ASAP2: variants seen among roughly 807,000 people sequenced by gnomAD.
The protein encoded by ASAP2 is ArfGAP with SH3 domain, ankyrin repeat and PH domain 2, also known as arf-GAP with SH3 domain, ANK repeat and PH domain-containing protein 2.
In ASAP2, 45 loss-of-function variants were observed where a neutral mutation model predicts 131.4. The observed-to-expected ratio is 0.34, with a 90% CI of 0.27 to 0.44. The LOEUF (loss-of-function observed/expected upper bound fraction) is 0.44. ASAP2 is among the 20% of genes least tolerant of loss of function. The pLI is 1.00. For missense variants in ASAP2, 1,011 were observed against 1,297.0 expected (o/e 0.78, Z 3.39); for synonymous variants, 510 against 503.0 (o/e 1.01, Z -0.19).
intron 1 of ASAP2, among the ~76,000 whole-genome samples, chr2:9,224,632 T>G (rs775935157): frequency 1.3e-5 from 2 of 152,226 alleles, no homozygotes; most frequent in Non-Finnish European, 2.9e-5. Flanking sequence ...ATATCTGATT[T>G]CTTCTTTGAA....
chr2:9,333,734 G>C (rs1395281115), intron 7 of ASAP2, among the ~76,000 whole-genome samples: 2 of 152,122 alleles, frequency 1.3e-5, no homozygotes, highest in African/African-American at 4.8e-5. Flanking sequence ...TTAGCTCGTG[G>C]AAATGCCCGT....
At chr2:9,371,395 G>A (rs1673945233) in intron 16 of ASAP2, among the ~76,000 whole-genome samples, 1 of 152,140 alleles carries the variant, frequency 6.6e-6, no homozygotes, top group Non-Finnish European at 1.5e-5. Flanking sequence ...TTTTCCCACC[G>A]TAATATGTTG....
intron 20 of ASAP2, among the ~76,000 whole-genome samples, chr2:9,381,981 T>C (rs1336662305): frequency 2.7e-5 from 2 of 75,284 alleles, no homozygotes; most frequent in African/African-American, 2.7e-4. Context: ...TCATTTAATC[T>C]TTTTTTTTTT....
chr2:9,223,992 G>A (rs1000828509), intron 1 of ASAP2, among the ~76,000 whole-genome samples: 1 of 152,204 alleles, frequency 6.6e-6, no homozygotes, highest in Non-Finnish European at 1.5e-5. Context: ...CATGAAAATA[G>A]TTTTTGAACT....
At chr2:9,319,470 A>T (rs1353910495) in intron 4 of ASAP2, among the ~76,000 whole-genome samples, 1 of 152,170 alleles carries the variant, frequency 6.6e-6, no homozygotes, top group African/African-American at 2.4e-5. Flanking sequence ...AGGTCAGCGG[A>T]GTTAGCCCAA....
intron 6 of ASAP2, among the ~76,000 whole-genome samples, chr2:9,325,325 T>C (rs1046173119): frequency 3.9e-5 from 6 of 152,252 alleles, no homozygotes; most frequent in East Asian, 1.9e-4. Flanking sequence ...CTGTGTGTTA[T>C]ACAAGCACAA....
At chr2:9,271,876 A>G (rs1277472887) in intron 1 of ASAP2, among the ~76,000 whole-genome samples, 2 of 152,004 alleles carry the variant, frequency 1.3e-5, no homozygotes, top group Non-Finnish European at 2.9e-5. Context: ...ACATCATTGC[A>G]GCTGACAGGA....
At position 9,260,470 on chromosome 2, in the gene ASAP2, G is replaced by A. The variant is rs149039180; in HGVS notation, c.127-18847G>A. Among the ~76,000 whole-genome samples the A allele has an allele frequency of 1.4e-4, 21 of 152,298 alleles. No homozygotes were observed. The East Asian group carries it at 3.5e-3, about 25-fold the overall frequency. On this transcript the variant is annotated intron_variant, in intron 1 of 27. Transcript: ENST00000281419. ...TGACCAATTTTGGGGTAGGAGCTGC[G>A]GGTGGAGCGGGGCCCATGACCTCTG...
intron 3 of ASAP2, among the ~76,000 whole-genome samples, chr2:9,298,834 C>T (rs77896350): frequency 0.013 from 2,006 of 152,244 alleles, 49 homozygotes; most frequent in African/African-American, 0.047. Flanking sequence ...TTCCTGGTGC[C>T]TCACACTTCA....
intron 1 of ASAP2, among the ~76,000 whole-genome samples, chr2:9,247,519 C>T (rs932289962): frequency 3.9e-5 from 6 of 152,284 alleles, no homozygotes; most frequent in East Asian, 1.9e-4. Flanking sequence ...TTGCTCGCTG[C>T]GTCTGTTATT....
rs143340599 is a variant in ASAP2, at chr2:9,252,592, C to A, written c.127-26725C>A. 8.1e-3 allele frequency among the ~76,000 whole-genome samples: 1,216 copies of A among 150,460 alleles called. 24 individuals carry two copies. Among genetic ancestry groups the A allele is most frequent in the African/African-American group, 0.028 (1,160 of 40,918 alleles). ...CTATTCCCCTAACACCCCCGCCCCC[C>A]AAAAAAAGCCTTCGGAAGACAGTTA... On this transcript the variant is annotated intron_variant, in intron 1 of 27. Transcript: ENST00000281419.
At chr2:9,358,948 C>G (rs1572540818) in intron 15 of ASAP2, 59 bp downstream of exon 15, 5 of 1,549,060 alleles carry the variant, frequency 3.2e-6, no homozygotes, top group Non-Finnish European at 4.4e-6. Context: ...CTAAATTTTA[C>G]TTTTGGCATT....
At chr2:9,357,219 C>A (rs1430994636) in intron 14 of ASAP2, among the ~76,000 whole-genome samples, 2 of 151,726 alleles carry the variant, frequency 1.3e-5, no homozygotes, top group Admixed American at 1.3e-4. Flanking sequence ...TGACTCATGC[C>A]TGTAATCCCG....
intron 1 of ASAP2, among the ~76,000 whole-genome samples, chr2:9,271,114 G>A (rs1409951040): frequency 6.6e-6 from 1 of 151,778 alleles, no homozygotes; most frequent in Admixed American, 6.6e-5. Context: ...TTTTTTTATG[G>A]CTCTTTTCAG....
At chr2:9,223,326 G>A in intron 1 of ASAP2, among the ~76,000 whole-genome samples, 1 of 152,162 alleles carries the variant, frequency 6.6e-6, no homozygotes, top group Admixed American at 6.5e-5. Context: ...TAGCTGATAG[G>A]AAATCTCTTA....
intron 1 of ASAP2, among the ~76,000 whole-genome samples, chr2:9,274,317 A>G (rs531844845): frequency 1.0e-5 from 1 of 95,654 alleles, no homozygotes; most frequent in African/African-American, 3.9e-5. Flanking sequence ...CTAGCATTCA[A>G]TCTTTTTTTT....
At chr2:9,299,040 G>T (rs553873074) in intron 3 of ASAP2, among the ~76,000 whole-genome samples, 2 of 152,190 alleles carry the variant, frequency 1.3e-5, no homozygotes, top group South Asian at 4.1e-4. Context: ...AGACCAAAAA[G>T]TGGGAAATAG....
chr2:9,253,225 G>A lies in ASAP2; in HGVS notation c.127-26092G>A, dbSNP rs537424269. ...GTCACCCAGGCTGGAGTGCAATGGC[G>A]CGATATTGGCTCACTGCAACCTCTG... On this transcript the variant is annotated intron_variant, in intron 1 of 27. Transcript: ENST00000281419. 1.1e-4 allele frequency among the ~76,000 whole-genome samples: 16 copies of A among 152,032 alleles called. No individual in the cohort carries two copies. In the South Asian group the frequency reaches 2.1e-3, roughly 20 times the overall value.
At chr2:9,223,340 G>T (rs544337553) in intron 1 of ASAP2, among the ~76,000 whole-genome samples, 1 of 152,202 alleles carries the variant, frequency 6.6e-6, no homozygotes. Flanking sequence ...TCTCTTAAGG[G>T]CCCTGTTTTA....
Sources: allele counts gnomAD v4.1 joint callset (sites outside exome capture counted in the v4.1 genomes callset), GRCh38; gene constraint gnomAD v4.1.1; transcripts MANE v1.5; gene names NCBI Gene and HGNC (gene_info 2026-07-23, HGNC 2026-07-21).